OR4M1: variants seen among roughly 807,000 people sequenced by gnomAD.
The protein encoded by OR4M1 is olfactory receptor family 4 subfamily M member 1.
In OR4M1, 7 loss-of-function variants were observed where a neutral mutation model predicts 9.8. The observed-to-expected ratio is 0.71, with a 90% CI of 0.41 to 1.34. The LOEUF (loss-of-function observed/expected upper bound fraction) is 1.34. OR4M1 is among the 40% of genes most tolerant of loss of function. The probability of loss-of-function intolerance (pLI) is 0.01; values close to 1 mark genes in which losing one functional copy is unlikely to be tolerated. For synonymous variants in OR4M1, 121 were observed against 139.8 expected (o/e 0.87, Z 0.95); for missense variants, 331 against 380.4 (o/e 0.87, Z 1.08).
chr14:19,774,896 A>G (rs1226328951), intron 1 of OR4M1, among the ~76,000 whole-genome samples: 6 of 152,032 alleles, frequency 3.9e-5, no homozygotes, highest in Non-Finnish European at 8.8e-5. Context: ...GAAGGCACTG[A>G]GAAATAAAAT....
chr14:19,780,183 T>C (rs1298080895), intron 1 of OR4M1, 111 bp from the exon 2 acceptor site: 3 of 963,620 alleles, frequency 3.1e-6, no homozygotes, highest in Non-Finnish European at 4.5e-6. Context: ...CAACCAAATG[T>C]ATCCTCATGT....
intron 1 of OR4M1, among the ~76,000 whole-genome samples, chr14:19,779,925 G>A (rs1294128730): frequency 2.0e-5 from 3 of 152,208 alleles, no homozygotes; most frequent in African/African-American, 7.2e-5. Flanking sequence ...GAAAAAAGAG[G>A]CCACATCTCT....
chr14:19,775,761 T>G (rs1466787120), intron 1 of OR4M1, among the ~76,000 whole-genome samples: 4 of 147,698 alleles, frequency 2.7e-5, no homozygotes, highest in Admixed American at 2.0e-4. Context: ...TATATTAATT[T>G]TAATATACTT....
At chr14:19,776,727 C>A (rs1229839756) in intron 1 of OR4M1, among the ~76,000 whole-genome samples, 20 of 152,076 alleles carry the variant, frequency 1.3e-4, no homozygotes, top group Non-Finnish European at 2.8e-4. Context: ...CAATTCCCAG[C>A]CTTTCTTGGG....
chr14:19,773,833 A>G (rs1022663392), intron 1 of OR4M1, among the ~76,000 whole-genome samples: 8 of 152,232 alleles, frequency 5.3e-5, no homozygotes, highest in African/African-American at 1.9e-4. Flanking sequence ...AGCATTTTAA[A>G]GTCAGGATTG....
At chr14:19,776,053 T>C (rs1172727783) in intron 1 of OR4M1, among the ~76,000 whole-genome samples, 1 of 152,186 alleles carries the variant, frequency 6.6e-6, no homozygotes, top group Non-Finnish European at 1.5e-5. Flanking sequence ...TGCTTCTGTA[T>C]ACTCCTTCCT....
In OR4M1 at chr14:19,781,492, T is replaced by A. The variant is rs1161969062; in HGVS notation, c.*228T>A. Reference sequence around the variant, plus strand: ...TTCCAGGCAGATCATTATTAGAATTTGAGATATAATAATAATCTGCTAAAG... The same window carrying A: ...TTCCAGGCAGATCATTATTAGAATTAGAGATATAATAATAATCTGCTAAAG... On this transcript the variant is annotated 3_prime_UTR_variant, in exon 2 of 2. Transcript: ENST00000641200. 2.0e-5 allele frequency: 10 copies of A among 509,544 alleles called. No homozygotes were observed. Among genetic ancestry groups the A allele is most frequent in the Non-Finnish European group, 3.4e-5 (10 of 292,500 alleles). The allele number at this position is 509,544 out of a possible 1,614,324, so 31.6% of individuals were successfully genotyped here.
intron 1 of OR4M1, among the ~76,000 whole-genome samples, chr14:19,774,082 T>C (rs1470890978): frequency 2.0e-5 from 3 of 152,222 alleles, no homozygotes; most frequent in Admixed American, 6.5e-5. Context: ...ATGGGAAAGG[T>C]GAGGCTTGAA....
At chr14:19,775,702 A>T (rs1421775848) in intron 1 of OR4M1, among the ~76,000 whole-genome samples, 1 of 143,558 alleles carries the variant, frequency 7.0e-6, no homozygotes, top group Non-Finnish European at 1.6e-5. Flanking sequence ...TATTAGTTGT[A>T]TATAAAATAT....
At chr14:19,775,396 GTCAT>G (rs1878279125) in intron 1 of OR4M1, among the ~76,000 whole-genome samples, 1 of 152,012 alleles carries the variant, frequency 6.6e-6, no homozygotes, top group Non-Finnish European at 1.5e-5. Context: ...TTCCCAGCCT[GTCAT>G]AATAGCCACC....
At position 19,781,259 on chromosome 14, in the gene OR4M1, A is replaced by G. The variant is rs761008746; in HGVS notation, c.937A>G (p.Lys313Glu). 2 of 1,602,472 alleles carry G rather than the reference A, an allele frequency of 1.2e-6. No homozygotes were observed. The highest frequency in any genetic ancestry group is 2.7e-5 in the African/African-American group (2 of 74,496). Residue 313 changes from lysine to glutamate, a missense_variant, in exon 2 of 2, where the codon AAG (lysine) becomes GAG (glutamate). Coordinates refer to ENST00000641200, the MANE Select transcript of OR4M1 (RefSeq NM_001005500.2). ...CACCAAATATATTTTGTGTGAAGAG[A>G]AGTGAAAGATAAATTATACATTTTA... The part of the protein sequence containing the change: ...VVTKYILCEE[K>E]
At chr14:19,776,708 T>C (rs1878318796) in intron 1 of OR4M1, among the ~76,000 whole-genome samples, 1 of 152,146 alleles carries the variant, frequency 6.6e-6, no homozygotes, top group Non-Finnish European at 1.5e-5. Flanking sequence ...GCTTTGGGTT[T>C]TCTTGGCACA....
chr14:19,779,916 A>G (rs1416916676), intron 1 of OR4M1, among the ~76,000 whole-genome samples: 6 of 152,266 alleles, frequency 3.9e-5, no homozygotes, highest in East Asian at 1.9e-4. Flanking sequence ...TAAGATCTAG[A>G]AAAAAGAGGC....
At chr14:19,776,897 T>C (rs1328126728) in intron 1 of OR4M1, among the ~76,000 whole-genome samples, 1 of 151,728 alleles carries the variant, frequency 6.6e-6, no homozygotes, top group African/African-American at 2.4e-5. Flanking sequence ...TTTGGTAGTA[T>C]GACAATAACA....
intron 1 of OR4M1, among the ~76,000 whole-genome samples, chr14:19,775,438 A>G (rs980200587): frequency 1.3e-5 from 2 of 151,952 alleles, no homozygotes; most frequent in Non-Finnish European, 2.9e-5. Context: ...ATGAGAAATA[A>G]AGGTCCTCCT....
In OR4M1 at chr14:19,782,348, T is replaced by C. The variant is rs1228331072; in HGVS notation, c.*1084T>C. On this transcript the variant is annotated 3_prime_UTR_variant, in exon 2 of 2. Coordinates refer to ENST00000641200, the MANE Select transcript of OR4M1 (RefSeq NM_001005500.2). ...TTAGAACATTTGATTTTATAGGTTA[T>C]GTTTTTTACTTAAATTTATTAGTTT... 4 of 152,252 alleles carry C rather than the reference T, an allele frequency of 2.6e-5. No homozygotes were observed. The highest frequency in any genetic ancestry group is 5.9e-5 in the Non-Finnish European group (4 of 68,042). 9.4% of individuals were successfully genotyped at this position (152,252 alleles called of 1,614,324 possible).
intron 1 of OR4M1, among the ~76,000 whole-genome samples, chr14:19,777,381 C>G (rs1269739249): frequency 6.6e-6 from 1 of 151,982 alleles, no homozygotes; most frequent in African/African-American, 2.4e-5. Flanking sequence ...GTCACCAACT[C>G]AGAACCTTTT....
rs1878499985 is a variant in OR4M1 at position 19,781,540 on chromosome 14, T to G, written c.*276T>G. ...AAGTACATTTTAACTAATTGTTTATTGAGTAACTACTCTGCAGAGGCTCTG... is the reference window on the plus strand; with the variant it reads ...AAGTACATTTTAACTAATTGTTTATGGAGTAACTACTCTGCAGAGGCTCTG... On this transcript the variant is annotated 3_prime_UTR_variant, in exon 2 of 2. Transcript: ENST00000641200. 7.5e-6 allele frequency: 3 copies of G among 398,814 alleles called. No individual in the cohort carries two copies. The highest frequency in any genetic ancestry group is 6.6e-4 in the Middle Eastern group (1 of 1,518). The allele number at this position is 398,814 out of a possible 1,614,324, so 24.7% of individuals were successfully genotyped here. A position where few individuals can be genotyped will look rare whatever the true frequency, so the allele number is the denominator to read the frequency against.
At chr14:19,780,144 C>G (rs1313818893) in intron 1 of OR4M1, 150 bp from the exon 2 acceptor site, 2 of 683,446 alleles carry the variant, frequency 2.9e-6, no homozygotes, top group Non-Finnish European at 4.7e-6. Context: ...CATACTTTCT[C>G]TTTCTTGGTT....
Sources: allele counts gnomAD v4.1 joint callset (sites outside exome capture counted in the v4.1 genomes callset), GRCh38; gene constraint gnomAD v4.1.1; transcripts MANE v1.5; gene names NCBI Gene and HGNC (gene_info 2026-07-23, HGNC 2026-07-21).